KCNQ5: variants seen among roughly 807,000 people sequenced by gnomAD.
The protein encoded by KCNQ5 is potassium voltage-gated channel subfamily KQT member 5.
Under a neutral mutation model 98.2 loss-of-function variants are expected in KCNQ5, and 30 were observed. That is an observed-to-expected ratio of 0.31 (90% CI 0.23 to 0.41). KCNQ5 has a LOEUF of 0.41. Among genes scored for constraint, KCNQ5 ranks in the 10% least tolerant of loss-of-function variants. The pLI, the probability that KCNQ5 is intolerant of heterozygous loss-of-function variation, is 1.00. For missense variants in KCNQ5, 835 were observed against 1,182.5 expected (o/e 0.71, Z 4.31); for synonymous variants, 458 against 449.4 (o/e 1.02, Z -0.24).
At chr6:72,973,324 A>G (rs1448148160) in intron 1 of KCNQ5, among the ~76,000 whole-genome samples, 7 of 152,180 alleles carry the variant, frequency 4.6e-5, no homozygotes, top group Non-Finnish European at 1.0e-4. Context: ...CTTCTCTAAA[A>G]AAACCTAAGT....
At chr6:73,070,862 A>G (rs1200273905) in intron 3 of KCNQ5, among the ~76,000 whole-genome samples, 1 of 152,208 alleles carries the variant, frequency 6.6e-6, no homozygotes, top group Admixed American at 6.5e-5. Context: ...AGGGAAGCAC[A>G]TATCTGTGGT....
At chr6:72,854,790 G>A (rs574888979) in intron 1 of KCNQ5, among the ~76,000 whole-genome samples, 35 of 147,464 alleles carry the variant, frequency 2.4e-4, no homozygotes, top group African/African-American at 4.5e-4. Context: ...GTGTGCGTGC[G>A]TAGATTAGAG....
At chr6:72,868,146 G>C (rs1778068132) in intron 1 of KCNQ5, among the ~76,000 whole-genome samples, 1 of 152,082 alleles carries the variant, frequency 6.6e-6, no homozygotes, top group Admixed American at 6.5e-5. Context: ...GTAAATGTGG[G>C]CTGAAATTTT....
At chr6:72,886,883 T>C (rs1356515731) in intron 1 of KCNQ5, among the ~76,000 whole-genome samples, 2 of 152,144 alleles carry the variant, frequency 1.3e-5, no homozygotes, top group African/African-American at 2.4e-5. Flanking sequence ...ACTAAATAAT[T>C]TATTACCCAG....
At chr6:72,987,544 A>C in intron 1 of KCNQ5, 7 of 656,370 alleles carry the variant, frequency 1.1e-5, no homozygotes, top group South Asian at 1.0e-4. Context: ...CAAGCCCCGC[A>C]GCACGATTGC....
At chr6:72,675,667 G>A (rs1268686263) in intron 1 of KCNQ5, among the ~76,000 whole-genome samples, 1 of 152,186 alleles carries the variant, frequency 6.6e-6, no homozygotes, top group African/African-American at 2.4e-5. Context: ...CCAGCTTTCT[G>A]AAGGTATGTG....
At chr6:72,931,438 G>A (rs768591643) in intron 1 of KCNQ5, among the ~76,000 whole-genome samples, 3 of 152,040 alleles carry the variant, frequency 2.0e-5, no homozygotes, top group Non-Finnish European at 4.4e-5. Flanking sequence ...TAGCCTCTGA[G>A]CCCCTTCTGA....
At chr6:72,718,056 C>T (rs1386888589) in intron 1 of KCNQ5, among the ~76,000 whole-genome samples, 1 of 152,110 alleles carries the variant, frequency 6.6e-6, no homozygotes, top group Non-Finnish European at 1.5e-5. Context: ...TATGGCCACC[C>T]CAAAGCATAC....
At chr6:73,013,349 T>C (rs2150332183) in intron 2 of KCNQ5, among the ~76,000 whole-genome samples, 1 of 152,224 alleles carries the variant, frequency 6.6e-6, no homozygotes, top group Non-Finnish European at 1.5e-5. Flanking sequence ...GAGTGAAACA[T>C]TGGGCAGGAA....
intron 1 of KCNQ5, among the ~76,000 whole-genome samples, chr6:72,926,545 A>G (rs1765428853): frequency 6.6e-6 from 1 of 152,148 alleles, no homozygotes; most frequent in Non-Finnish European, 1.5e-5. Context: ...AATGAGCAAT[A>G]TCTAAGGGCT....
rs368497148 is a variant in KCNQ5 at position 72,941,532 on chromosome 6, TTCCCTCCTTCCTTTCCTTCTTCCC to T, written c.399-62362_399-62339del. On this transcript the variant is annotated intron_variant, in intron 1 of 13. Coordinates refer to ENST00000370398, the MANE Select transcript of KCNQ5 (RefSeq NM_019842.4). Reference sequence around the variant, plus strand: ...TCTCCCTCCCTTCCTTCCTTCCTCCTTCCCTCCTTCCTTTCCTTCTTCCCTCCCTCCTTCCTTCCTCCTTCCCTC... The same window carrying T: ...TCTCCCTCCCTTCCTTCCTTCCTCCTTCCCTCCTTCCTTCCTCCTTCCCTC... Among the ~76,000 whole-genome samples, 997 of 99,810 alleles carry T rather than the reference TTCCCTCCTTCCTTTCCTTCTTCCC, an allele frequency of 1.0e-2. 21 individuals are homozygous for T. The highest frequency in any genetic ancestry group is 0.031 in the African/African-American group (890 of 28,484). 65.5% of individuals were successfully genotyped at this position (99,810 alleles called of 152,430 possible). A position where few individuals can be genotyped will look rare whatever the true frequency, so the allele number is the denominator to read the frequency against.
chr6:73,194,667 C>T lies in KCNQ5; in HGVS notation c.2052C>T (p.Ile684=), dbSNP rs149172701. Residue 684 remains isoleucine, a synonymous_variant, in exon 14 of 14, where the codon ATC becomes ATT. Transcript: ENST00000370398. ...TATCCAGATCAACTAGTGCCAACAT[C>T]TCGAGAGGCCTGCAGTTCATTCTGA... ...GCLSRSTSAN[I]SRGLQFILTP... The T allele has an allele frequency of 4.5e-5, 73 of 1,614,252 alleles. No homozygotes were observed. The East Asian group carries it at 1.5e-3, about 33-fold the overall frequency.
chr6:73,145,787 A>C (rs1268537808), intron 10 of KCNQ5, among the ~76,000 whole-genome samples: 2 of 152,156 alleles, frequency 1.3e-5, no homozygotes, highest in Non-Finnish European at 2.9e-5. Context: ...AGACTGGGTG[A>C]TTTATAAAGA....
chr6:72,847,423 A>T, intron 1 of KCNQ5, among the ~76,000 whole-genome samples: 1 of 152,198 alleles, frequency 6.6e-6, no homozygotes, highest in East Asian at 1.9e-4. Context: ...GGTCTCCCAA[A>T]GTGCTGGGAT....
At chr6:72,721,815 A>T (rs1025492015) in intron 1 of KCNQ5, among the ~76,000 whole-genome samples, 1 of 152,190 alleles carries the variant, frequency 6.6e-6, no homozygotes, top group South Asian at 2.1e-4. Context: ...GAGGGCTATC[A>T]GGCTGTGTGA....
intron 7 of KCNQ5, among the ~76,000 whole-genome samples, chr6:73,112,029 T>C (rs1375808102): frequency 2.0e-5 from 3 of 152,220 alleles, no homozygotes; most frequent in Non-Finnish European, 4.4e-5. Flanking sequence ...TTCTTTTCAC[T>C]AACTCAGGAT....
rs202094384 is a variant in KCNQ5, at chr6:72,792,591, CTT to C, written c.398+170006_398+170007del. On this transcript the variant is annotated intron_variant, in intron 1 of 13. Transcript: ENST00000370398. ...TTAATTTAGAATTTTTTTCAACTGA[CTT>C]TGAGTTGCTGTTACAATTCAACCTG... Among the ~76,000 whole-genome samples the C allele has an allele frequency of 8.3e-3, 1,265 of 152,238 alleles. 11 individuals are homozygous for C. Among genetic ancestry groups the C allele is most frequent in the African/African-American group, 0.028 (1,180 of 41,546 alleles).
intron 5 of KCNQ5, among the ~76,000 whole-genome samples, chr6:73,084,985 T>C (rs1773922117): frequency 6.6e-6 from 1 of 152,164 alleles, no homozygotes; most frequent in Admixed American, 6.5e-5. Flanking sequence ...TAGCAGGGCC[T>C]CCCAAGTGCT....
chr6:72,914,057 G>A (rs1478348534), intron 1 of KCNQ5, among the ~76,000 whole-genome samples: 2 of 152,126 alleles, frequency 1.3e-5, no homozygotes, highest in African/African-American at 2.4e-5. Context: ...CTGCTTCAGG[G>A]GATATGAGGG....
Sources: gnomAD v4.1 joint callset for allele counts (sites outside exome capture counted in the v4.1 genomes callset) on GRCh38, gnomAD v4.1.1 for gene constraint, MANE v1.5 for transcripts, NCBI Gene and HGNC (gene_info 2026-07-23, HGNC 2026-07-21) for gene names.